The following MUCL1 variants were observed in gnomAD, a reference collection of about 807,000 sequenced individuals.
The protein encoded by MUCL1 is mucin like 1.
MUCL1 carries 11 observed loss-of-function variants against 9.2 expected under a neutral mutation model. That is an observed-to-expected ratio of 1.19 (90% CI 0.75 to 1.97). MUCL1 has a LOEUF of 1.97. Among genes scored for constraint, MUCL1 ranks in the 30% most tolerant of loss-of-function variants. The pLI is 0.00. For synonymous variants in MUCL1, 48 were observed against 40.5 expected, an observed-to-expected ratio of 1.19 and a Z score of -0.71; for missense variants, 144 against 110.9, an observed-to-expected ratio of 1.30 and a Z score of -1.34.
intron 1 of MUCL1, among the ~76,000 whole-genome samples, chr12:54,846,706 G>C (rs1285705975): frequency 7.3e-6 from 1 of 137,686 alleles, no homozygotes; most frequent in African/African-American, 2.6e-5. Context: ...CTTTCCTGGT[G>C]GTAAAATAAT....
upstream of MUCL1, among the ~76,000 whole-genome samples, chr12:54,836,662 G>A (rs1959193435): frequency 2.0e-5 from 3 of 152,212 alleles, no homozygotes; most frequent in South Asian, 6.2e-4. Flanking sequence ...GTTTCTTGCA[G>A]TGTGATGTTA....
upstream of MUCL1, among the ~76,000 whole-genome samples, chr12:54,838,133 C>A (rs138830553): frequency 6.6e-6 from 1 of 152,208 alleles, no homozygotes; most frequent in Non-Finnish European, 1.5e-5. Flanking sequence ...CTGGTAGTGA[C>A]AAACTCCCTC....
intron 1 of MUCL1, among the ~76,000 whole-genome samples, chr12:54,839,749 T>A (rs1210276180): frequency 2.0e-5 from 3 of 152,154 alleles, no homozygotes; most frequent in Non-Finnish European, 4.4e-5. Flanking sequence ...TGTGTGGGGA[T>A]GTAGTCACCC....
Position 54,854,630 on chromosome 12 carries a change from G to A in MUCL1, c.48G>A (p.Leu16=), listed in dbSNP as rs148959694. 1 of 1,612,956 alleles carries A rather than the reference G, an allele frequency of 6.2e-7. No individual in the cohort carries two copies. The highest frequency in any genetic ancestry group is 1.3e-5 in the African/African-American group (1 of 74,818). The change falls in exon 1 of 4, where the codon CTG becomes CTA. Residue 16 remains leucine, a synonymous_variant. Coordinates refer to ENST00000308796, the MANE Select transcript of MUCL1 (RefSeq NM_058173.3). The part of the protein sequence containing the change: ...VLVLLGVSIF[L]VSAQNPTTAA... ...TACTCTTGGGAGTTTCCATCTTTCT[G>A]GTCTCTGCCCGTAAGTAAAGATTCT...
At chr12:54,832,086 C>T (rs966067977) in intron 1 of MUCL1, among the ~76,000 whole-genome samples, 2 of 151,888 alleles carry the variant, frequency 1.3e-5, no homozygotes, top group Non-Finnish European at 2.9e-5. Context: ...AGTTAGATGA[C>T]TAGTTGTTCC....
intron 2 of MUCL1, chr12:54,855,383 C>A (rs1478290263): frequency 1.9e-6 from 1 of 522,690 alleles, no homozygotes; most frequent in African/African-American, 1.9e-5. Flanking sequence ...TAGACTTATA[C>A]AAATGTGGAC....
chr12:54,848,892 T>C (rs1453334391), intron 1 of MUCL1, among the ~76,000 whole-genome samples: 1 of 152,120 alleles, frequency 6.6e-6, no homozygotes, highest in Non-Finnish European at 1.5e-5. Context: ...ATATTGTGAG[T>C]CAAAAACCTC....
At chr12:54,857,891 C>G (rs912636310) in intron 3 of MUCL1, among the ~76,000 whole-genome samples, 1 of 152,132 alleles carries the variant, frequency 6.6e-6, no homozygotes, top group Non-Finnish European at 1.5e-5. Context: ...TGGCTTTTCT[C>G]TCTTACCAGA....
chr12:54,849,326 A>G (rs554734121), intron 1 of MUCL1, among the ~76,000 whole-genome samples: 1 of 152,272 alleles, frequency 6.6e-6, no homozygotes, highest in South Asian at 2.1e-4. Flanking sequence ...ATAAATAACT[A>G]CATATAAGTT....
chr12:54,851,081 T>G, upstream of MUCL1, among the ~76,000 whole-genome samples: 1 of 152,216 alleles, frequency 6.6e-6, no homozygotes. Context: ...GATGGAGAGA[T>G]TGCAAAAATT....
upstream of MUCL1, among the ~76,000 whole-genome samples, chr12:54,850,360 C>T (rs945227209): frequency 3.5e-5 from 5 of 143,152 alleles, no homozygotes; most frequent in Non-Finnish European, 1.5e-5. Context: ...CTTCCTGTGT[C>T]CACGTGTTCT....
At chr12:54,851,661 C>A (rs975802938), upstream of MUCL1, among the ~76,000 whole-genome samples, 4 of 152,024 alleles carry the variant, frequency 2.6e-5, no homozygotes, top group Non-Finnish European at 5.9e-5. Flanking sequence ...CTGGCCAGGG[C>A]GATCAGGCAG....
chr12:54,834,644 T>A (rs1387960232), upstream of MUCL1, among the ~76,000 whole-genome samples: 1 of 152,042 alleles, frequency 6.6e-6, no homozygotes, highest in African/African-American at 2.4e-5. Flanking sequence ...TAGCAAATTT[T>A]AAGTATAGAA....
At chr12:54,844,082 A>C (rs994778524) in intron 1 of MUCL1, among the ~76,000 whole-genome samples, 1 of 151,996 alleles carries the variant, frequency 6.6e-6, no homozygotes, top group African/African-American at 2.4e-5. Flanking sequence ...TTTCTTTCTT[A>C]TATTTTTGAG....
intron 1 of MUCL1, among the ~76,000 whole-genome samples, chr12:54,847,922 C>T (rs1234895339): frequency 3.3e-5 from 5 of 152,106 alleles, no homozygotes; most frequent in East Asian, 3.9e-4. Flanking sequence ...CCTGTGTATG[C>T]CCCAGCTCCC....
upstream of MUCL1, among the ~76,000 whole-genome samples, chr12:54,852,384 C>T (rs947686533): frequency 2.6e-5 from 4 of 152,140 alleles, no homozygotes; most frequent in Non-Finnish European, 5.9e-5. Flanking sequence ...TTTGAGAAAC[C>T]TGACGAAAAC....
At chr12:54,834,702 A>C (rs932606818), upstream of MUCL1, among the ~76,000 whole-genome samples, 5 of 152,008 alleles carry the variant, frequency 3.3e-5, no homozygotes, top group East Asian at 7.7e-4. Flanking sequence ...TCTAGAATTT[A>C]TTCATCCTAC....
chr12:54,849,736 A>T (rs547061958), upstream of MUCL1, among the ~76,000 whole-genome samples: 14 of 152,240 alleles, frequency 9.2e-5, no homozygotes, highest in Admixed American at 9.2e-4. Flanking sequence ...TTAATGAACA[A>T]ATTTGGTGTT....
chr12:54,856,790 G>GC lies in MUCL1; in HGVS notation c.125dup (p.Asp43Ter). On this transcript the variant is annotated frameshift_variant, in exon 3 of 4. Coordinates refer to ENST00000308796, the MANE Select transcript of MUCL1 (RefSeq NM_058173.3). LOFTEE classifies it high-confidence loss of function. Reference sequence around the variant, plus strand: ...TTCAGCTGGTCCTGCTGATGATGAAGCCCCTGATGCTGAAACCACTGCTGC... The same window carrying GC: ...TTCAGCTGGTCCTGCTGATGATGAAGCCCCCTGATGCTGAAACCACTGCTGC... 6 of 1,612,964 alleles carry GC rather than the reference G, an allele frequency of 3.7e-6. No homozygotes were observed. The highest frequency in any genetic ancestry group is 5.1e-6 in the Non-Finnish European group (6 of 1,179,508).
Sources: allele counts gnomAD v4.1 joint callset (sites outside exome capture counted in the v4.1 genomes callset), GRCh38; gene constraint gnomAD v4.1.1; transcripts MANE v1.5; gene names NCBI Gene and HGNC (gene_info 2026-07-23, HGNC 2026-07-21).